The following SLC1A1 variants were observed in gnomAD, a reference collection of about 807,000 sequenced individuals.
The protein encoded by SLC1A1 is excitatory amino acid transporter 3.
In SLC1A1, 43 loss-of-function variants were observed where a neutral mutation model predicts 53.3. The observed-to-expected ratio is 0.81, with a 90% confidence interval of 0.63 to 1.04. The LOEUF is 1.04. Ranked by LOEUF, SLC1A1 falls within the 50% of genes least tolerant of loss-of-function variation. The pLI, the probability that SLC1A1 is intolerant of heterozygous loss-of-function variation, is 0.00. For synonymous variants in SLC1A1, 307 were observed against 243.2 expected, an observed-to-expected ratio of 1.26 and a Z score of -2.44; for missense variants, 748 against 664.9, an observed-to-expected ratio of 1.12 and a Z score of -1.37.
In SLC1A1 at chr9:4,565,486, A is replaced by T. The variant is rs923140077; in HGVS notation, c.441-561A>T. ...TCATGGCAGAAGGCAAAGGGGAAGC[A>T]AGGCACATCTTACATGGCTGCAGGA... On this transcript the variant is annotated intron_variant, in intron 4 of 11. Transcript: ENST00000262352. Among the ~76,000 whole-genome samples, 28 of 152,330 alleles carry T rather than the reference A, an allele frequency of 1.8e-4. No individual in the cohort carries two copies. The East Asian group carries it at 5.2e-3, about 28-fold the overall frequency.
chr9:4,539,041 G>A (rs1816793021), intron 1 of SLC1A1, among the ~76,000 whole-genome samples: 1 of 152,046 alleles, frequency 6.6e-6, no homozygotes, highest in Non-Finnish European at 1.5e-5. Context: ...TCCTTTGCCA[G>A]TAATTCTTAT....
At chr9:4,522,582 G>T (rs990805258) in intron 1 of SLC1A1, among the ~76,000 whole-genome samples, 6 of 152,086 alleles carry the variant, frequency 3.9e-5, no homozygotes, top group African/African-American at 1.4e-4. Context: ...AGAAATACCG[G>T]AGACTGGGTA....
intron 1 of SLC1A1, among the ~76,000 whole-genome samples, chr9:4,512,658 G>T (rs545452019): frequency 6.6e-6 from 1 of 152,272 alleles, no homozygotes; most frequent in Non-Finnish European, 1.5e-5. Context: ...TGGTGAAAAG[G>T]TAGACATGGC....
chr9:4,535,847 G>A (rs951073734), intron 1 of SLC1A1, among the ~76,000 whole-genome samples: 34 of 152,142 alleles, frequency 2.2e-4, no homozygotes, highest in African/African-American at 8.0e-4. Flanking sequence ...CATGGTACTG[G>A]TGCCAAAACA....
At chr9:4,551,692 G>A (rs1423190301) in intron 2 of SLC1A1, among the ~76,000 whole-genome samples, 1 of 152,212 alleles carries the variant, frequency 6.6e-6, no homozygotes, top group Non-Finnish European at 1.5e-5. Flanking sequence ...TAAAACTCCA[G>A]GCAGGAAGAC....
At chr9:4,553,010 G>T (rs1818061307) in intron 2 of SLC1A1, among the ~76,000 whole-genome samples, 1 of 152,026 alleles carries the variant, frequency 6.6e-6, no homozygotes, top group African/African-American at 2.4e-5. Context: ...TCACCAGCAT[G>T]TAAGAAGCTT....
intron 1 of SLC1A1, among the ~76,000 whole-genome samples, chr9:4,491,655 C>G (rs893698079): frequency 2.6e-5 from 4 of 152,166 alleles, no homozygotes; most frequent in African/African-American, 9.7e-5. Flanking sequence ...GTTTCTAGCT[C>G]CGGCCCGGGG....
At position 4,567,703 on chromosome 9, in the gene SLC1A1, G is replaced by A; in HGVS notation, c.518G>A (p.Ser173Asn). ...KTKREEVKPP[S>N]DPEMNMTEES... Reference sequence around the variant, plus strand: ...AAGCGTGAAGAAGTGAAGCCTCCCAGCGATCCAGAGATGAACATGACAGAA... The same window carrying A: ...AAGCGTGAAGAAGTGAAGCCTCCCAACGATCCAGAGATGAACATGACAGAA... The change falls in exon 6 of 12, where the codon AGC becomes AAC. Residue 173 changes from serine (S) to asparagine (N), a missense_variant. Physicochemically the swap from Ser to Asn is conservative, Grantham distance 46. Transcript: ENST00000262352. 6.2e-7 allele frequency: 1 copy of A among 1,613,474 alleles called. No individual in the cohort carries two copies. The highest frequency in any genetic ancestry group is 8.5e-7 in the Non-Finnish European group (1 of 1,179,560).
chr9:4,514,081 G>A (rs1329892343), intron 1 of SLC1A1, among the ~76,000 whole-genome samples: 1 of 152,172 alleles, frequency 6.6e-6, no homozygotes, highest in Non-Finnish European at 1.5e-5. Flanking sequence ...AGAGCTCTTT[G>A]GCGTGATGGA....
At chr9:4,498,715 A>C (rs1586687933) in intron 1 of SLC1A1, among the ~76,000 whole-genome samples, 1 of 147,850 alleles carries the variant, frequency 6.8e-6, no homozygotes, top group Non-Finnish European at 1.5e-5. Flanking sequence ...AGACATGACA[A>C]TATTAGCAAA....
chr9:4,551,963 T>TAATAA (rs1239801714), intron 2 of SLC1A1, among the ~76,000 whole-genome samples: 1 of 152,220 alleles, frequency 6.6e-6, no homozygotes, highest in Non-Finnish European at 1.5e-5. Context: ...CATTTGCAAG[T>TAATAA]AATAAAATGA....
At position 4,544,612 on chromosome 9, in the gene SLC1A1, C is replaced by T; in HGVS notation, c.137C>T (p.Thr46Ile). Reference sequence around the variant, plus strand: ...GTTCGAGAACACAGCAACCTCTCAACTCTAGAGAAATTCTACTTTGCTTTT... The same window carrying T: ...GTTCGAGAACACAGCAACCTCTCAATTCTAGAGAAATTCTACTTTGCTTTT... ...VLVREHSNLS[T>I]LEKFYFAFPG... The change falls in exon 2 of 12, where the codon ACT (threonine) becomes ATT (isoleucine). Residue 46 changes from threonine (T) to isoleucine (I), a missense_variant. Transcript: ENST00000262352. The T allele has an allele frequency of 1.2e-6, 2 of 1,613,478 alleles. No individual in the cohort carries two copies. Among genetic ancestry groups the T allele is most frequent in the Non-Finnish European group, 1.7e-6 (2 of 1,179,422 alleles).
chr9:4,528,330 T>C (rs574336773), intron 1 of SLC1A1, among the ~76,000 whole-genome samples: 1 of 152,268 alleles, frequency 6.6e-6, no homozygotes, highest in Non-Finnish European at 1.5e-5. Flanking sequence ...CCCAGCACTT[T>C]GGGAGGCCGA....
At chr9:4,537,361 C>T (rs1203467608) in intron 1 of SLC1A1, among the ~76,000 whole-genome samples, 1 of 41,314 alleles carries the variant, frequency 2.4e-5, no homozygotes, top group East Asian at 2.8e-4. Context: ...AGATCGAGAC[C>T]ATCCTGGCTA....
At chr9:4,539,312 G>T (rs1816812764) in intron 1 of SLC1A1, among the ~76,000 whole-genome samples, 1 of 152,142 alleles carries the variant, frequency 6.6e-6, no homozygotes. Flanking sequence ...AATGATATGT[G>T]ACTTTTTTGT....
chr9:4,505,339 G>T (rs375157594), intron 1 of SLC1A1, among the ~76,000 whole-genome samples: 1 of 151,962 alleles, frequency 6.6e-6, no homozygotes, highest in African/African-American at 2.4e-5. Flanking sequence ...GTGAGCCACC[G>T]CACCCGGCCC....
At chr9:4,579,450 C>T (rs1215874433) in intron 10 of SLC1A1, among the ~76,000 whole-genome samples, 1 of 152,170 alleles carries the variant, frequency 6.6e-6, no homozygotes, top group African/African-American at 2.4e-5. Flanking sequence ...GAAATCCCTC[C>T]CTCTTTTTTG....
chr9:4,521,777 G>C (rs1414660335), intron 1 of SLC1A1, among the ~76,000 whole-genome samples: 14 of 152,184 alleles, frequency 9.2e-5, no homozygotes, highest in Admixed American at 8.5e-4. Flanking sequence ...GAAGGGGCAA[G>C]TGCAGTTGAT....
Position 4,490,528 on chromosome 9 carries a change from A to C in SLC1A1, c.-152A>C. The stretch of plus-strand genomic sequence containing the variant: ...TGCGCGATCCCGGGTGGCGGCGGCA[A>C]CGGCGGTGGTGACGGCGGCGACTGC... On this transcript the variant is annotated 5_prime_UTR_variant, in exon 1 of 12. Transcript: ENST00000262352. 2 of 444,608 alleles carry C rather than the reference A, an allele frequency of 4.5e-6. No individual in the cohort carries two copies. Among genetic ancestry groups the C allele is most frequent in the Non-Finnish European group, 7.8e-6 (2 of 256,400 alleles). 27.5% of individuals were successfully genotyped at this position (444,608 alleles called of 1,614,324 possible).
Sources: allele counts gnomAD v4.1 joint callset (sites outside exome capture counted in the v4.1 genomes callset), GRCh38; gene constraint gnomAD v4.1.1; transcripts MANE v1.5; gene names NCBI Gene and HGNC (gene_info 2026-07-23, HGNC 2026-07-21).